Variants in ISM1 observed in about 807,000 individuals in gnomAD.
ISM1 encodes isthmin 1, also known as isthmin-1.
In ISM1, 25 loss-of-function variants were observed where a neutral mutation model predicts 46.3. The ratio of observed to expected loss-of-function variants is 0.54; its 90% CI spans 0.39 to 0.75. ISM1 has a LOEUF of 0.75. Among genes scored for constraint, ISM1 ranks in the 30% least tolerant of loss-of-function variants. The pLI is 0.00. For missense variants in ISM1, 536 were observed against 625.4 expected (o/e 0.86, Z 1.52); for synonymous variants, 255 against 256.7 (o/e 0.99, Z 0.06).
chr20:13,312,765 C>A, the ISM1 span, among the ~76,000 whole-genome samples: 1 of 152,196 alleles, frequency 6.6e-6, no homozygotes, highest in African/African-American at 2.4e-5. Flanking sequence ...ACTTAGTCAT[C>A]TTTACAATTT....
At chr20:13,279,982 G>A (rs2040220755) in intron 3 of ISM1, 84 bp downstream of exon 3, 2 of 1,333,282 alleles carry the variant, frequency 1.5e-6, no homozygotes, top group African/African-American at 1.5e-5. Context: ...GCAAAACCCT[G>A]CTTAGAGCAT....
rs1242285140 is a variant in ISM1, at chr20:13,299,430, A to G, written c.1366A>G (p.Lys456Glu). 5.6e-6 allele frequency: 9 copies of G among 1,606,332 alleles called. No individual in the cohort carries two copies. The highest frequency in any genetic ancestry group is 2.2e-5 in the East Asian group (1 of 44,804). The change falls in exon 6 of 6, where the codon AAG becomes GAG. Residue 456 changes from lysine (K) to glutamate (E), a missense_variant. By Grantham distance (56) the Lys-to-Glu change is moderately conservative. Coordinates refer to ENST00000262487, the MANE Select transcript of ISM1 (RefSeq NM_080826.2). This position sits in a 1 kb window ranked among gnomAD's most constrained non-coding sequence, Gnocchi z 5.8. The part of the protein sequence containing the change: ...TESPSDEDYI[K>E]QFQEAREY ...GAGCCCCTCGGACGAGGACTACATC[A>G]AGCAGTTCCAAGAGGCCAGGGAATA...
chr20:13,233,576 CAA>C (rs1345853953), intron 1 of ISM1, among the ~76,000 whole-genome samples: 2 of 115,072 alleles, frequency 1.7e-5, no homozygotes, highest in Admixed American at 2.2e-4. Context: ...GCCTGGGCAA[CAA>C]GAGCGAAACT....
In ISM1 at chr20:13,292,416, T is replaced by G; in HGVS notation, c.830T>G (p.Leu277Arg). The change falls in exon 5 of 6, where the codon CTG (leucine) becomes CGG (arginine). Residue 277 changes from leucine (L) to arginine (R), a missense_variant. Around this residue, in one of 2 missense-constraint regions of ISM1, gnomAD observed 367 missense variants for 376.1 expected, o/e 0.98. Coordinates refer to ENST00000262487, the MANE Select transcript of ISM1 (RefSeq NM_080826.2). ...TFRTAATEVS[L>R]LAGSEEFNAT... ...AGGACAGCTGCCACCGAAGTGAGTC[T>G]GCTTGCGGGAAGCGAGGAGTTTAAT... 6.2e-7 allele frequency: 1 copy of G among 1,607,400 alleles called. No individual in the cohort carries two copies. Among genetic ancestry groups the G allele is most frequent in the South Asian group, 1.1e-5 (1 of 89,208 alleles).
At chr20:13,232,102 A>T (rs1260935773) in intron 1 of ISM1, among the ~76,000 whole-genome samples, 1 of 152,226 alleles carries the variant, frequency 6.6e-6, no homozygotes, top group Non-Finnish European at 1.5e-5. Flanking sequence ...TAACCCTGGG[A>T]GATGGCAGTG....
At chr20:13,262,750 G>A (rs190272385) in intron 1 of ISM1, among the ~76,000 whole-genome samples, 187 of 146,248 alleles carry the variant, frequency 1.3e-3, no homozygotes, top group Non-Finnish European at 2.3e-3. Flanking sequence ...TTTGTCAGCC[G>A]GCCCCAAGAA....
rs759880755 is a variant in ISM1, at chr20:13,279,586, G to T, written c.379-48G>T. The T allele has an allele frequency of 3.8e-6, 6 of 1,565,124 alleles. No individual in the cohort carries two copies. In the South Asian group the frequency reaches 5.8e-5, roughly 15 times the overall value. Reference sequence around the variant, plus strand: ...CTTTCTTCCAAGGGTCATGTAGCTTGGAGGCTGTTGACTCCACACTGACCC... The same window carrying T: ...CTTTCTTCCAAGGGTCATGTAGCTTTGAGGCTGTTGACTCCACACTGACCC... On this transcript the variant is annotated intron_variant, in intron 2 of 5. Coordinates refer to ENST00000262487, the MANE Select transcript of ISM1 (RefSeq NM_080826.2).
intron 1 of ISM1, among the ~76,000 whole-genome samples, chr20:13,248,731 A>T (rs1464191888): frequency 1.3e-5 from 2 of 152,222 alleles, no homozygotes; most frequent in Non-Finnish European, 2.9e-5. Flanking sequence ...ATGGCATATG[A>T]TGACTTTTGA....
intron 5 of ISM1, among the ~76,000 whole-genome samples, chr20:13,293,898 C>T (rs2040380185): frequency 6.6e-6 from 1 of 151,654 alleles, no homozygotes; most frequent in Non-Finnish European, 1.5e-5. Flanking sequence ...CACTGGAACC[C>T]AGGAGGTGGA....
chr20:13,224,516 C>T (rs1303641508), intron 1 of ISM1, among the ~76,000 whole-genome samples: 3 of 152,168 alleles, frequency 2.0e-5, no homozygotes, highest in African/African-American at 7.2e-5. Flanking sequence ...TTTGTTGGTT[C>T]TGTGCTATCC....
chr20:13,263,913 G>T (rs1388745343), intron 1 of ISM1, among the ~76,000 whole-genome samples: 1 of 152,154 alleles, frequency 6.6e-6, no homozygotes, highest in Non-Finnish European at 1.5e-5. Context: ...GAGACCAAAT[G>T]CATTGCTAAT....
the ISM1 span, among the ~76,000 whole-genome samples, chr20:13,315,485 T>C: frequency 6.6e-6 from 1 of 151,580 alleles, no homozygotes; most frequent in East Asian, 1.9e-4. Flanking sequence ...CAAGAAGACA[T>C]AACAATCCTT....
At chr20:13,238,812 A>G (rs997667128) in intron 1 of ISM1, among the ~76,000 whole-genome samples, 38 of 152,330 alleles carry the variant, frequency 2.5e-4, no homozygotes, top group East Asian at 7.7e-4. Flanking sequence ...ATAGCAGTTG[A>G]TCAGCCCATA....
Position 13,288,669 on chromosome 20 carries a change from G to C in ISM1, c.773G>C (p.Arg258Pro). The change falls in exon 4 of 6, where the codon CGT (arginine) becomes CCT (proline). Residue 258 changes from arginine to proline, a missense_variant. Physicochemically the swap from Arg to Pro is moderately radical, Grantham distance 103. Coordinates refer to ENST00000262487, the MANE Select transcript of ISM1 (RefSeq NM_080826.2). ...GCAACAGAATCGAGGACCTGTGACC[G>C]TCCAAACTGCCCAGGTGCGTTTACC... Reference protein sequence around the residue: ...CTATESRTCDRPNCPGIEDTF... With the variant: ...CTATESRTCDPPNCPGIEDTF... 4 of 1,613,612 alleles carry C rather than the reference G, an allele frequency of 2.5e-6. No homozygotes were observed. The highest frequency in any genetic ancestry group is 3.4e-6 in the Non-Finnish European group (4 of 1,179,584).
At chr20:13,241,015 A>C (rs2039715276) in intron 1 of ISM1, among the ~76,000 whole-genome samples, 1 of 152,200 alleles carries the variant, frequency 6.6e-6, no homozygotes, top group Non-Finnish European at 1.5e-5. Flanking sequence ...TGAAAGTGGT[A>C]AAAGGAGAAC....
At chr20:13,225,223 A>T (rs923353865) in intron 1 of ISM1, among the ~76,000 whole-genome samples, 1 of 152,126 alleles carries the variant, frequency 6.6e-6, no homozygotes, top group Non-Finnish European at 1.5e-5. Context: ...TTTCAAAAGG[A>T]GAAACTGAGG....
chr20:13,263,170 T>G (rs2040006195), intron 1 of ISM1, among the ~76,000 whole-genome samples: 1 of 152,216 alleles, frequency 6.6e-6, no homozygotes, highest in Non-Finnish European at 1.5e-5. Context: ...CCATTGACAT[T>G]TGCTCTGTTC....
At chr20:13,266,854 G>A (rs918158444) in intron 1 of ISM1, among the ~76,000 whole-genome samples, 1 of 152,126 alleles carries the variant, frequency 6.6e-6, no homozygotes, top group South Asian at 2.1e-4. Flanking sequence ...AATAATTCAC[G>A]TGGAATACTC....
chr20:13,309,348 G>C, the ISM1 span, among the ~76,000 whole-genome samples: 1 of 150,752 alleles, frequency 6.6e-6, no homozygotes, highest in Non-Finnish European at 1.5e-5. Flanking sequence ...AAGAGATGAA[G>C]AGAGTATTTG....
Sources: gnomAD v4.1 joint callset for allele counts (sites outside exome capture counted in the v4.1 genomes callset) on GRCh38, gnomAD v4.1.1 for gene constraint, gnomAD v4.1.1 regional missense constraint, Gnocchi (gnomAD v3.1) non-coding constraint, MANE v1.5 for transcripts, NCBI Gene and HGNC (gene_info 2026-07-23, HGNC 2026-07-21) for gene names.